Variants in SDK1 observed in about 807,000 individuals in gnomAD.
SDK1 encodes the protein sidekick cell adhesion molecule 1.
Under a neutral mutation model 245.5 loss-of-function variants are expected in SDK1, and 157 were observed. The ratio of observed to expected loss-of-function variants is 0.64; its 90% CI spans 0.56 to 0.73. The LOEUF is 0.73. SDK1 is among the 30% of genes least tolerant of loss of function. The pLI, the probability that SDK1 is intolerant of heterozygous loss-of-function variation, is 0.00. For synonymous variants in SDK1, 1,647 were observed against 1,278.5 expected, an observed-to-expected ratio of 1.29 and a Z score of -6.15; for missense variants, 3,583 against 3,002.3, an observed-to-expected ratio of 1.19 and a Z score of -4.52.
chr7:4,255,320 C>G (rs1486393073), intron 44 of SDK1, among the ~76,000 whole-genome samples: 1 of 152,190 alleles, frequency 6.6e-6, no homozygotes, highest in Non-Finnish European at 1.5e-5. Flanking sequence ...GCTCTCTGTT[C>G]TTACAGAATA....
At chr7:3,836,914 G>A (rs944490562) in intron 5 of SDK1, among the ~76,000 whole-genome samples, 1 of 152,056 alleles carries the variant, frequency 6.6e-6, no homozygotes, top group Non-Finnish European at 1.5e-5. Context: ...TCCCTTCCTG[G>A]CTCTTAGAGA....
chr7:3,612,662 G>T (rs780514330), intron 1 of SDK1, among the ~76,000 whole-genome samples: 6 of 152,168 alleles, frequency 3.9e-5, no homozygotes, highest in Admixed American at 6.5e-5. Context: ...GTTTGAATTT[G>T]ATATAAAAGA....
At chr7:3,443,021 A>G (rs1780241285) in intron 1 of SDK1, among the ~76,000 whole-genome samples, 1 of 151,940 alleles carries the variant, frequency 6.6e-6, no homozygotes, top group South Asian at 2.1e-4. Flanking sequence ...AAAGCAACAC[A>G]ATACCCTATC....
intron 1 of SDK1, among the ~76,000 whole-genome samples, chr7:3,346,835 T>A (rs1333573317): frequency 2.8e-3 from 312 of 111,658 alleles, no homozygotes; most frequent in African/African-American, 0.012. Flanking sequence ...ATATTTTTTT[T>A]TTTTTTTTTT....
At chr7:3,339,003 T>C (rs4443553) in intron 1 of SDK1, among the ~76,000 whole-genome samples, 85,443 of 151,996 alleles carry the variant, frequency 0.56, 24,248 homozygotes, top group African/African-American at 0.65. Context: ...ATACACCAAT[T>C]AAAGGATAGA....
rs114610914 is a variant in SDK1, at chr7:3,546,710, G to T, written c.299-72370G>T. ...AAGACCATCATTTCACAAGGAACCT[G>T]TGGTCACTTTGTGTTCCAGGATGGC... is the stretch of plus-strand genomic sequence containing the variant. On this transcript the variant is annotated intron_variant, in intron 1 of 44. Coordinates refer to ENST00000404826, the MANE Select transcript of SDK1 (RefSeq NM_152744.4). Among the ~76,000 whole-genome samples the T allele has an allele frequency of 2.1e-3, 319 of 152,340 alleles. 4 individuals are homozygous for T. The highest frequency in any genetic ancestry group is 7.6e-3 in the African/African-American group (314 of 41,580).
intron 22 of SDK1, among the ~76,000 whole-genome samples, chr7:4,093,827 T>C (rs150639991): frequency 3.3e-5 from 5 of 152,306 alleles, no homozygotes; most frequent in Non-Finnish European, 7.4e-5. Context: ...ATTTTGCTGT[T>C]TGCTGAGGCA....
At chr7:3,351,146 G>A in intron 1 of SDK1, among the ~76,000 whole-genome samples, 1 of 152,120 alleles carries the variant, frequency 6.6e-6, no homozygotes, top group East Asian at 1.9e-4. Flanking sequence ...ATTTTTAATG[G>A]GCAGCCTTGT....
intron 4 of SDK1, among the ~76,000 whole-genome samples, chr7:3,752,399 T>C (rs983162426): frequency 2.6e-5 from 4 of 152,210 alleles, no homozygotes; most frequent in Non-Finnish European, 2.9e-5. Flanking sequence ...TTAATACTTT[T>C]AATGCCATCT....
chr7:3,574,359 G>T (rs910342999), intron 1 of SDK1, among the ~76,000 whole-genome samples: 2 of 151,832 alleles, frequency 1.3e-5, no homozygotes, highest in Admixed American at 6.6e-5. Flanking sequence ...CTCATGATTC[G>T]CCCGCCTCAG....
chr7:3,727,826 T>C (rs547134712), intron 4 of SDK1, among the ~76,000 whole-genome samples: 40 of 152,252 alleles, frequency 2.6e-4, no homozygotes, highest in African/African-American at 8.7e-4. Context: ...GAATAAAATA[T>C]ATTAACCAAG....
At chr7:3,495,376 G>C (rs901186989) in intron 1 of SDK1, among the ~76,000 whole-genome samples, 1 of 148,158 alleles carries the variant, frequency 6.7e-6, no homozygotes, top group African/African-American at 2.5e-5. Context: ...TCCTGCCTCA[G>C]CCTCCTGAGT....
intron 1 of SDK1, among the ~76,000 whole-genome samples, chr7:3,550,904 T>G (rs1455435153): frequency 6.6e-6 from 1 of 152,216 alleles, no homozygotes; most frequent in African/African-American, 2.4e-5. Context: ...TAGTTGAAAT[T>G]AGTGTATTAC....
intron 1 of SDK1, among the ~76,000 whole-genome samples, chr7:3,332,368 A>G (rs1253139616): frequency 1.3e-5 from 2 of 152,038 alleles, no homozygotes; most frequent in Admixed American, 6.5e-5. Flanking sequence ...CCTTATTCCT[A>G]TTATTCTGGC....
chr7:3,951,051 C>T lies in SDK1; in HGVS notation c.959+17C>T, dbSNP rs752546451. Reference sequence around the variant, plus strand: ...CAGTGCCAGGTACGAGGCGCGTCTCCTGTGAGACTCCTAGTAAATATTCCA... The same window carrying T: ...CAGTGCCAGGTACGAGGCGCGTCTCTTGTGAGACTCCTAGTAAATATTCCA... On this transcript the variant is annotated intron_variant, in intron 6 of 44. Transcript: ENST00000404826. 8 of 1,516,396 alleles carry T rather than the reference C, an allele frequency of 5.3e-6. No homozygotes were observed. The highest frequency in any genetic ancestry group is 6.4e-6 in the Non-Finnish European group (7 of 1,090,890). 93.9% of individuals were successfully genotyped at this position (1,516,396 alleles called of 1,614,324 possible). A position where few individuals can be genotyped will look rare whatever the true frequency, so the allele number is the denominator to read the frequency against.
chr7:4,072,356 C>G (rs1312851601), intron 20 of SDK1, among the ~76,000 whole-genome samples: 3 of 152,192 alleles, frequency 2.0e-5, no homozygotes, highest in Non-Finnish European at 2.9e-5. Flanking sequence ...TCCCTTCCTG[C>G]TCACTGTAAT....
At chr7:4,027,284 G>A (rs984395986) in intron 17 of SDK1, among the ~76,000 whole-genome samples, 1 of 152,232 alleles carries the variant, frequency 6.6e-6, no homozygotes, top group Non-Finnish European at 1.5e-5. Flanking sequence ...TAACAGGGAA[G>A]GTGGTGTTGC....
chr7:3,572,045 G>T (rs2178624), intron 1 of SDK1, among the ~76,000 whole-genome samples: 2 of 152,098 alleles, frequency 1.3e-5, no homozygotes, highest in South Asian at 4.1e-4. Context: ...AACTATCAAT[G>T]CCAAACAGTC....
At chr7:3,643,127 G>A (rs1009619740) in intron 4 of SDK1, 7 of 137,156 alleles carry the variant, frequency 5.1e-5, no homozygotes, top group African/African-American at 1.1e-4. Context: ...GAATCCTTTC[G>A]CTAAATCTCA....
Sources: gnomAD v4.1 joint callset for allele counts (sites outside exome capture counted in the v4.1 genomes callset) on GRCh38, gnomAD v4.1.1 for gene constraint, MANE v1.5 for transcripts, NCBI Gene and HGNC (gene_info 2026-07-23, HGNC 2026-07-21) for gene names.